Variants in DGKB observed in about 807,000 individuals in gnomAD.
DGKB encodes diacylglycerol kinase beta.
Under a neutral mutation model 114.3 loss-of-function variants are expected in DGKB, and 67 were observed. That is an observed-to-expected ratio of 0.59 (90% CI 0.48 to 0.72). The LOEUF (loss-of-function observed/expected upper bound fraction) is 0.72, where lower values mean the gene tolerates loss of function less well. Among genes scored for constraint, DGKB ranks in the 30% least tolerant of loss-of-function variants. The probability of loss-of-function intolerance (pLI) is 0.00; values close to 1 mark genes in which losing one functional copy is unlikely to be tolerated. For synonymous variants in DGKB, 398 were observed against 323.1 expected, an observed-to-expected ratio of 1.23 and a Z score of -2.49; for missense variants, 907 against 975.2, an observed-to-expected ratio of 0.93 and a Z score of 0.93.
chr7:14,421,059 C>G (rs1236278011), intron 21 of DGKB, among the ~76,000 whole-genome samples: 4 of 152,214 alleles, frequency 2.6e-5, no homozygotes, highest in Non-Finnish European at 2.9e-5. Flanking sequence ...CCATTTCAGC[C>G]TCTGATTGGC....
chr7:14,435,431 A>T (rs1412415234), intron 21 of DGKB, among the ~76,000 whole-genome samples: 1 of 152,112 alleles, frequency 6.6e-6, no homozygotes, highest in African/African-American at 2.4e-5. Flanking sequence ...TGTCAAGGAA[A>T]TTATTTAAAT....
intron 25 of DGKB, 88 bp downstream of exon 25, chr7:14,176,750 TA>T: frequency 6.4e-7 from 1 of 1,551,314 alleles, no homozygotes; most frequent in South Asian, 1.2e-5. Flanking sequence ...TGAAAAGAAA[TA>T]AAGAAAAAAA....
At chr7:14,273,968 T>C (rs1562804954) in intron 23 of DGKB, among the ~76,000 whole-genome samples, 1 of 152,242 alleles carries the variant, frequency 6.6e-6, no homozygotes, top group African/African-American at 2.4e-5. Context: ...TTGAGGATTT[T>C]AAATTATTAG....
At chr7:14,455,929 C>T (rs1000983856) in intron 21 of DGKB, among the ~76,000 whole-genome samples, 14 of 151,926 alleles carry the variant, frequency 9.2e-5, no homozygotes, top group African/African-American at 3.4e-4. Context: ...TAAATTTGTG[C>T]CTTCACTGTT....
intron 23 of DGKB, among the ~76,000 whole-genome samples, chr7:14,286,175 C>G (rs1222639581): frequency 6.6e-6 from 1 of 152,042 alleles, no homozygotes; most frequent in Non-Finnish European, 1.5e-5. Context: ...TAGGGAAGCC[C>G]TACATGAAAT....
chr7:14,867,638 TA>T (rs971820123), intron 1 of DGKB, among the ~76,000 whole-genome samples: 4 of 152,146 alleles, frequency 2.6e-5, no homozygotes, highest in African/African-American at 4.8e-5. Context: ...TAAATATGTA[TA>T]AATTATTAAA....
intron 17 of DGKB, among the ~76,000 whole-genome samples, chr7:14,589,108 A>G (rs1386829578): frequency 6.6e-6 from 1 of 151,882 alleles, no homozygotes; most frequent in Non-Finnish European, 1.5e-5. Context: ...TCTTGCATAT[A>G]TTTTGTTAGA....
intron 21 of DGKB, among the ~76,000 whole-genome samples, chr7:14,462,635 A>G (rs762590796): frequency 6.6e-6 from 1 of 152,234 alleles, no homozygotes; most frequent in Non-Finnish European, 1.5e-5. Context: ...TTGGACAGGA[A>G]GAATCAATAT....
At chr7:14,160,888 C>T (rs146942708) in intron 25 of DGKB, among the ~76,000 whole-genome samples, 1 of 152,046 alleles carries the variant, frequency 6.6e-6, no homozygotes. Context: ...GCTACAGTAA[C>T]CAAAACAAAC....
rs1024486936 is a variant in DGKB at position 14,421,583 on chromosome 7, T to C, written c.1835+56578A>G. On this transcript the variant is annotated intron_variant, in intron 21 of 25. Transcript: ENST00000402815. Reference sequence around the variant, plus strand: ...TTCAAATGTCAATTGCCTCTAGAAGTTTTGATTTTAAGAAAAGGAAATGTT... The same window carrying C: ...TTCAAATGTCAATTGCCTCTAGAAGCTTTGATTTTAAGAAAAGGAAATGTT... Among the ~76,000 whole-genome samples the C allele has an allele frequency of 9.2e-5, 14 of 152,236 alleles. 3 individuals carry two copies. The East Asian group carries it at 9.7e-4, about 11-fold the overall frequency.
At position 14,742,842 on chromosome 7, in the gene DGKB, A is replaced by G. The variant is rs549518212; in HGVS notation, c.169-6648T>C. Among the ~76,000 whole-genome samples the G allele has an allele frequency of 2.6e-5, 4 of 152,344 alleles. No homozygotes were observed. The South Asian group carries it at 8.3e-4, about 32-fold the overall frequency. On this transcript the variant is annotated intron_variant, in intron 4 of 25. Transcript: ENST00000402815. ...AAATGTGTTTTCAGGAAAAGATTGT[A>G]AGAAGGCATGGAAATCCAAGTAACT...
intron 21 of DGKB, among the ~76,000 whole-genome samples, chr7:14,392,992 TTTG>T (rs1306736762): frequency 3.1e-5 from 1 of 32,552 alleles, no homozygotes; most frequent in Non-Finnish European, 6.5e-5. Context: ...GTTTTTTGTT[TTTG>T]TTTTTTTTTT....
At chr7:14,678,795 G>A (rs1820325130) in intron 12 of DGKB, among the ~76,000 whole-genome samples, 1 of 151,984 alleles carries the variant, frequency 6.6e-6, no homozygotes, top group Non-Finnish European at 1.5e-5. Flanking sequence ...GTCAAGAGGT[G>A]CTAAGAGCTT....
At chr7:14,211,276 C>G (rs1330343934) in intron 23 of DGKB, among the ~76,000 whole-genome samples, 2 of 122,084 alleles carry the variant, frequency 1.6e-5, no homozygotes, top group Admixed American at 8.1e-5. Flanking sequence ...AGTCTCTTTC[C>G]TTAGCCTCTA....
chr7:14,927,568 A>T (rs1784809568), intron 1 of DGKB, among the ~76,000 whole-genome samples: 1 of 152,002 alleles, frequency 6.6e-6, no homozygotes, highest in African/African-American at 2.4e-5. Flanking sequence ...GCAGTATTAA[A>T]CACAGAAGTC....
At chr7:14,435,460 C>A (rs949310588) in intron 21 of DGKB, among the ~76,000 whole-genome samples, 2 of 152,034 alleles carry the variant, frequency 1.3e-5, no homozygotes, top group Admixed American at 6.6e-5. Flanking sequence ...CACACTTTAT[C>A]CCCTATGAAA....
intron 12 of DGKB, among the ~76,000 whole-genome samples, chr7:14,677,631 G>A (rs929025377): frequency 2.6e-5 from 4 of 152,054 alleles, no homozygotes; most frequent in African/African-American, 9.6e-5. Flanking sequence ...ACCAGTGAGA[G>A]CTTACCTTGA....
chr7:14,971,987 C>T (rs1787500435), intron 1 of DGKB, among the ~76,000 whole-genome samples: 1 of 152,120 alleles, frequency 6.6e-6, no homozygotes, highest in African/African-American at 2.4e-5. Flanking sequence ...CTCAGGTGAT[C>T]TGCCCACTTA....
chr7:14,969,343 G>T (rs778581096), intron 1 of DGKB, among the ~76,000 whole-genome samples: 1 of 152,146 alleles, frequency 6.6e-6, no homozygotes, highest in African/African-American at 2.4e-5. Flanking sequence ...AATGAACAAT[G>T]GGGATACTTT....
Sources: gnomAD v4.1 joint callset for allele counts (sites outside exome capture counted in the v4.1 genomes callset) on GRCh38, gnomAD v4.1.1 for gene constraint, MANE v1.5 for transcripts, NCBI Gene and HGNC (gene_info 2026-07-23, HGNC 2026-07-21) for gene names.